PWWP3A: variants seen among roughly 807,000 people sequenced by gnomAD.
PWWP3A encodes PWWP domain-containing DNA repair factor 3A.
Under a neutral mutation model 79.0 loss-of-function variants are expected in PWWP3A, and 53 were observed. The ratio of observed to expected loss-of-function variants is 0.67; its 90% CI spans 0.54 to 0.84. The LOEUF is 0.84. Ranked by LOEUF, PWWP3A falls within the 40% of genes least tolerant of loss-of-function variation. The pLI, the probability that PWWP3A is intolerant of heterozygous loss-of-function variation, is 0.00. For missense variants in PWWP3A, 973 were observed against 948.0 expected (o/e 1.03, Z -0.35); for synonymous variants, 443 against 394.4 (o/e 1.12, Z -1.46).
chr19:1,358,596 A>C (rs1055484514), intron 4 of PWWP3A, 132 bp downstream of exon 4: 1 of 1,584,018 alleles, frequency 6.3e-7, no homozygotes, highest in African/African-American at 1.3e-5. Context: ...AGGGAACGCG[A>C]ATCCCCTGAG....
chr19:1,368,716 C>G lies in PWWP3A; in HGVS notation c.1423-549C>G, dbSNP rs1210072416. On this transcript the variant is annotated intron_variant, in intron 9 of 13. Transcript: ENST00000591337. This position sits in a 1 kb window ranked among gnomAD's most constrained non-coding sequence, Gnocchi z 4.7. ...CCCAGGTGCTGGCCTAGCCTGGCTG[C>G]AGACGATAGCTCCCAACAAAAACGG... is the stretch of plus-strand genomic sequence containing the variant. Among the ~76,000 whole-genome samples the G allele has an allele frequency of 6.6e-6, 1 of 152,250 alleles. No homozygotes were observed. The highest frequency in any genetic ancestry group is 2.4e-5 in the African/African-American group (1 of 41,460).
Position 1,376,991 on chromosome 19 carries a change from G to T in PWWP3A, c.*415G>T. ...TCATGGAGCTTCGGAAGCGGGAATG[G>T]TTCTTCCGGGTTTGCTGTTTTGTCT... is the stretch of plus-strand genomic sequence containing the variant. On this transcript the variant is annotated 3_prime_UTR_variant, in exon 14 of 14. Transcript: ENST00000591337. 6.4e-6 allele frequency: 1 copy of T among 155,842 alleles called. No homozygotes were observed. The highest frequency in any genetic ancestry group is 1.4e-5 in the Non-Finnish European group (1 of 70,822). The allele number at this position is 155,842 out of a possible 1,614,324, so 9.7% of individuals were successfully genotyped here.
In PWWP3A at chr19:1,360,920, CAG is replaced by C; in HGVS notation, c.1004_1005del (p.Glu335ValfsTer47). On this transcript the variant is annotated frameshift_variant, in exon 5 of 14. Coordinates refer to ENST00000591337, the MANE Select transcript of PWWP3A (RefSeq NM_001369789.1). LOFTEE classifies it high-confidence loss of function. This position sits in a 1 kb window ranked among gnomAD's most constrained non-coding sequence, Gnocchi z 4.4. ...APSPGPGPGP[R>X]ESVTPRSTAR... ...CATCCCCCGGGCCGGGGCCAGGGCC[CAG>C]AGAGTCTGTGACCCCGCGCAGCACC... The C allele has an allele frequency of 6.5e-7, 1 of 1,538,770 alleles. No homozygotes were observed. The highest frequency in any genetic ancestry group is 8.8e-7 in the Non-Finnish European group (1 of 1,141,698).
At chr19:1,375,905 G>A (rs1036311887) in intron 13 of PWWP3A, among the ~76,000 whole-genome samples, 20 of 141,934 alleles carry the variant, frequency 1.4e-4, no homozygotes, top group African/African-American at 5.4e-4. Flanking sequence ...CCGTGCCTTG[G>A]TTCAAGCGAT....
At chr19:1,363,856 A>G (rs1322795373) in intron 6 of PWWP3A, among the ~76,000 whole-genome samples, 1 of 152,076 alleles carries the variant, frequency 6.6e-6, no homozygotes, top group African/African-American at 2.4e-5. Context: ...ATCTGTGTTT[A>G]TGGACCACGG....
chr19:1,358,683 C>A (rs751496485), intron 4 of PWWP3A: 17 of 1,522,990 alleles, frequency 1.1e-5, no homozygotes, highest in Non-Finnish European at 1.5e-5. Flanking sequence ...CTATTCTTGA[C>A]GCCCAGAATG....
rs2082165852 is a variant in PWWP3A, at chr19:1,368,016, C to G, written c.1422+796C>G. Among the ~76,000 whole-genome samples the G allele has an allele frequency of 6.6e-6, 1 of 152,178 alleles. No individual in the cohort carries two copies. Among genetic ancestry groups the G allele is most frequent in the Non-Finnish European group, 1.5e-5 (1 of 68,020 alleles). On this transcript the variant is annotated intron_variant, in intron 9 of 13. Transcript: ENST00000591337. This position sits in a 1 kb window ranked among gnomAD's most constrained non-coding sequence, Gnocchi z 4.7. ...CTCAGCTCACTGCAACCTCCACCTCCTGGGTTCATGCGATTCTGCTGCCTC... is the reference window on the plus strand; with the variant it reads ...CTCAGCTCACTGCAACCTCCACCTCGTGGGTTCATGCGATTCTGCTGCCTC...
At chr19:1,366,798 A>T (rs1043644024) in intron 8 of PWWP3A, among the ~76,000 whole-genome samples, 2 of 152,220 alleles carry the variant, frequency 1.3e-5, no homozygotes, top group African/African-American at 4.8e-5. Context: ...ACGTGGATGG[A>T]TCAGCCGGCT....
chr19:1,370,542 C>A, intron 11 of PWWP3A, 100 bp from the exon 12 acceptor site: 1 of 1,115,466 alleles, frequency 9.0e-7, no homozygotes, highest in Non-Finnish European at 1.2e-6. Context: ...AGGGTCTGCC[C>A]CCATCCCTGC....
chr19:1,369,630 T>G lies in PWWP3A; in HGVS notation c.1533T>G (p.Tyr511Ter). The G allele has an allele frequency of 6.2e-7, 1 of 1,614,196 alleles. No homozygotes were observed. Among genetic ancestry groups the G allele is most frequent in the Non-Finnish European group, 8.5e-7 (1 of 1,180,032 alleles). Reference protein sequence around the residue: ...CGSFAGSFLEYYAADISYPVR... With the variant: ...CGSFAGSFLE ...CTTTTGCTGGCTCTTTCCTGGAATA[T>G]TACGCGGCTGATATAAGTAAGTCTA... The change falls in exon 11 of 14, where the codon TAT becomes TAG. Residue 511 changes from tyrosine (Y) to a stop codon, truncating the protein, a stop_gained. Coordinates refer to ENST00000591337, the MANE Select transcript of PWWP3A (RefSeq NM_001369789.1). LOFTEE classifies it high-confidence loss of function. This position sits in a 1 kb window ranked among gnomAD's most constrained non-coding sequence, Gnocchi z 4.0.
chr19:1,355,330 C>T (rs2081824580), intron 1 of PWWP3A, among the ~76,000 whole-genome samples, 195 bp downstream of exon 1: 1 of 152,022 alleles, frequency 6.6e-6, no homozygotes, highest in African/African-American at 2.4e-5. Context: ...GCCTGGACTC[C>T]TTTTCCCGTC....
At chr19:1,355,660 C>A (rs905838494) in intron 1 of PWWP3A, among the ~76,000 whole-genome samples, 35 of 146,898 alleles carry the variant, frequency 2.4e-4, no homozygotes, top group African/African-American at 8.6e-4. Context: ...AATCTTGTCC[C>A]TGCTGCCTGG....
Position 1,370,696 on chromosome 19 carries a change from A to G in PWWP3A, c.1604A>G (p.Gln535Arg). The change falls in exon 12 of 14, where the codon CAA (glutamine) becomes CGA (arginine). Residue 535 changes from glutamine (Q) to arginine (R), a missense_variant. Physicochemically the swap from Gln to Arg is conservative, Grantham distance 43. Coordinates refer to ENST00000591337, the MANE Select transcript of PWWP3A (RefSeq NM_001369789.1). ...GACGTCTTGGGGACCAAGCTTCCTC[A>G]ACTGAGCAAGGGGAGCCCCGAGGAG... ...QQDVLGTKLP[Q>R]LSKGSPEEPV... 6.9e-7 allele frequency: 1 copy of G among 1,456,168 alleles called. No homozygotes were observed. Among genetic ancestry groups the G allele is most frequent in the Non-Finnish European group, 9.1e-7 (1 of 1,102,396 alleles). The allele number at this position is 1,456,168 out of a possible 1,614,324, so 90.2% of individuals were successfully genotyped here.
Position 1,370,673 on chromosome 19 carries a change from C to T in PWWP3A, c.1581C>T (p.Asp527=), listed in dbSNP as rs748494724. The T allele has an allele frequency of 4.6e-5, 67 of 1,451,728 alleles. No homozygotes were observed. The highest frequency in any genetic ancestry group is 5.7e-5 in the Non-Finnish European group (63 of 1,099,840). The allele number at this position is 1,451,728 out of a possible 1,614,324, so 89.9% of individuals were successfully genotyped here. The change falls in exon 12 of 14, where the codon GAC becomes GAT. Residue 527 remains aspartate (D), a synonymous_variant. Transcript: ENST00000591337. ...SYPVRKSIQQ[D]VLGTKLPQLS... Reference sequence around the variant, plus strand: ...CTGTCCGAAAATCCATCCAGCAGGACGTCTTGGGGACCAAGCTTCCTCAAC... The same window carrying T: ...CTGTCCGAAAATCCATCCAGCAGGATGTCTTGGGGACCAAGCTTCCTCAAC...
Position 1,360,474 on chromosome 19 carries a change from A to C in PWWP3A, c.553A>C (p.Asn185His), listed in dbSNP as rs563090991. 1.9e-6 allele frequency: 3 copies of C among 1,614,168 alleles called. No individual in the cohort carries two copies. The South Asian group carries it at 3.3e-5, about 18-fold the overall frequency. Residue 185 changes from asparagine (N) to histidine (H), a missense_variant, in exon 5 of 14, where the codon AAC (asparagine) becomes CAC (histidine). Transcript: ENST00000591337. This position sits in a 1 kb window ranked among gnomAD's most constrained non-coding sequence, Gnocchi z 4.4. ...CAAGAAGGGGCTCAGGAAAAGTGAA[A>C]ACCCAAGAGGCCCGTTGGTCCTCCC... Reference protein sequence around the residue: ...DHKKGLRKSENPRGPLVLPAG... With the variant: ...DHKKGLRKSEHPRGPLVLPAG...
intron 3 of PWWP3A, 74 bp downstream of exon 3, chr19:1,357,168 A>G: frequency 8.8e-7 from 1 of 1,135,374 alleles, no homozygotes; most frequent in Non-Finnish European, 1.3e-6. Flanking sequence ...TACTCCCCCA[A>G]AACAGTTGAA....
Position 1,360,938 on chromosome 19 carries a change from G to A in PWWP3A, c.1017G>A (p.Pro339=), listed in dbSNP as rs746369668. The change falls in exon 5 of 14, where the codon CCG becomes CCA. Residue 339 remains proline, a synonymous_variant. Transcript: ENST00000591337. This position sits in a 1 kb window ranked among gnomAD's most constrained non-coding sequence, Gnocchi z 4.4. Reference sequence around the variant, plus strand: ...CAGGGCCCAGAGAGTCTGTGACCCCGCGCAGCACCGCCAGGCTGGGCCCGC... The same window carrying A: ...CAGGGCCCAGAGAGTCTGTGACCCCACGCAGCACCGCCAGGCTGGGCCCGC... ...PGPGPRESVT[P]RSTARLGPPP... 6 of 1,513,238 alleles carry A rather than the reference G, an allele frequency of 4.0e-6. No individual in the cohort carries two copies. The South Asian group carries it at 5.1e-5, about 13-fold the overall frequency. The allele number at this position is 1,513,238 out of a possible 1,614,324, so 93.7% of individuals were successfully genotyped here.
chr19:1,370,947 C>T lies in PWWP3A; in HGVS notation c.1855C>T (p.Leu619=). The change falls in exon 12 of 14, where the codon CTG becomes TTG. Residue 619 remains leucine, a synonymous_variant. Transcript: ENST00000591337. ...GTACGTGACCTGTGTGGAGACCTAC[C>T]TGGAGGATGAGGGGCAGCTGGACCT... The part of the protein sequence containing the change: ...SQYVTCVETY[L]EDEGQLDLVV... 1.3e-6 allele frequency: 2 copies of T among 1,557,488 alleles called. No homozygotes were observed. The highest frequency in any genetic ancestry group is 1.2e-5 in the South Asian group (1 of 84,464).
chr19:1,376,307 GTTTGTT>G lies in PWWP3A; in HGVS notation c.2076-208_2076-203del, dbSNP rs1325630229. ...CGCCCGGCTGTTTGTTTTTTTTTTTGTTTGTTTTTTTTTTTTTTTGGTATTTTTTGT... is the reference window on the plus strand; with the variant it reads ...CGCCCGGCTGTTTGTTTTTTTTTTTGTTTTTTTTTTTTTGGTATTTTTTGT... On this transcript the variant is annotated intron_variant, in intron 13 of 13. Coordinates refer to ENST00000591337, the MANE Select transcript of PWWP3A (RefSeq NM_001369789.1). Among the ~76,000 whole-genome samples the G allele has an allele frequency of 8.5e-5, 6 of 70,388 alleles. 1 individual carries two copies. Among genetic ancestry groups the G allele is most frequent in the African/African-American group, 1.4e-4 (2 of 14,452 alleles). 46.2% of individuals were successfully genotyped at this position (70,388 alleles called of 152,430 possible). A position where few individuals can be genotyped will look rare whatever the true frequency, so the allele number is the denominator to read the frequency against.
Sources: allele counts gnomAD v4.1 joint callset (sites outside exome capture counted in the v4.1 genomes callset), GRCh38; gene constraint gnomAD v4.1.1; non-coding constraint Gnocchi (gnomAD v3.1); transcripts MANE v1.5; gene names NCBI Gene and HGNC (gene_info 2026-07-23, HGNC 2026-07-21).